Variants in SLC23A2 observed in about 807,000 individuals in gnomAD.
The protein encoded by SLC23A2 is Na(+)/L-ascorbic acid transporter 2.
SLC23A2 carries 36 observed loss-of-function variants against 73.3 expected under a neutral mutation model. The ratio of observed to expected loss-of-function variants is 0.49; its 90% CI spans 0.38 to 0.65. The LOEUF (loss-of-function observed/expected upper bound fraction) is 0.65, where lower values mean the gene tolerates loss of function less well. SLC23A2 is among the 30% of genes least tolerant of loss of function. SLC23A2 has a pLI of 0.00. For missense variants in SLC23A2, 507 were observed against 841.6 expected, an observed-to-expected ratio of 0.60 and a Z score of 4.92; for synonymous variants, 343 against 327.3, an observed-to-expected ratio of 1.05 and a Z score of -0.52.
At position 4,862,515 on chromosome 20, in the gene SLC23A2, T is replaced by C. The variant is rs1930008456; in HGVS notation, c.1486+263A>G. Among the ~76,000 whole-genome samples the C allele has an allele frequency of 6.6e-6, 1 of 152,192 alleles. No individual in the cohort carries two copies. The highest frequency in any genetic ancestry group is 1.5e-5 in the Non-Finnish European group (1 of 68,022). On this transcript the variant is annotated intron_variant, in intron 14 of 16. Coordinates refer to ENST00000338244, the MANE Select transcript of SLC23A2 (RefSeq NM_005116.6). The surrounding 1 kb of genome is among the most constrained non-coding windows in gnomAD (Gnocchi z 5.1). Reference sequence around the variant, plus strand: ...GTAGCCCATTCAGAGGGATGGTATTTGAGTTAAATTGGTCAGAAATACTAA... The same window carrying C: ...GTAGCCCATTCAGAGGGATGGTATTCGAGTTAAATTGGTCAGAAATACTAA...
rs759199009 is a variant in SLC23A2, at chr20:4,902,608, T to C, written c.208-50A>G. ...GGTGCTCATTAAACGTGAAGACCAG[T>C]GTTAGCTCGGCCATGTACAGGCCAC... is the stretch of plus-strand genomic sequence containing the variant. On this transcript the variant is annotated intron_variant, in intron 4 of 16. Coordinates refer to ENST00000338244, the MANE Select transcript of SLC23A2 (RefSeq NM_005116.6). The surrounding 1 kb of genome is among the most constrained non-coding windows in gnomAD (Gnocchi z 4.0). 9.3e-7 allele frequency: 1 copy of C among 1,077,218 alleles called. No individual in the cohort carries two copies. Among genetic ancestry groups the C allele is most frequent in the South Asian group, 1.4e-5 (1 of 73,012 alleles). 66.7% of individuals were successfully genotyped at this position (1,077,218 alleles called of 1,614,324 possible). A position where few individuals can be genotyped will look rare whatever the true frequency, so the allele number is the denominator to read the frequency against.
At chr20:4,895,954 CACT>C (rs551943554) in intron 6 of SLC23A2, among the ~76,000 whole-genome samples, 25 of 152,306 alleles carry the variant, frequency 1.6e-4, no homozygotes, top group African/African-American at 5.5e-4. Flanking sequence ...GCTCTTCCCT[CACT>C]AACCCCACAG....
intron 4 of SLC23A2, among the ~76,000 whole-genome samples, chr20:4,905,047 G>A (rs954026891): frequency 6.9e-6 from 1 of 145,182 alleles, no homozygotes; most frequent in African/African-American, 2.6e-5. Flanking sequence ...CTAGGAGACA[G>A]AGGTTGCAGT....
intron 9 of SLC23A2, among the ~76,000 whole-genome samples, chr20:4,881,010 G>C (rs527929249): frequency 2.4e-4 from 37 of 152,330 alleles, no homozygotes; most frequent in African/African-American, 8.2e-4. Context: ...CTGCAAAAGA[G>C]AACGGGTTCA....
chr20:4,923,630 A>C (rs1386034895), intron 3 of SLC23A2, among the ~76,000 whole-genome samples: 3 of 152,234 alleles, frequency 2.0e-5, no homozygotes, highest in African/African-American at 7.2e-5. Context: ...TTATTCTTAC[A>C]GAAAGAACAT....
intron 1 of SLC23A2, among the ~76,000 whole-genome samples, chr20:5,006,839 C>A (rs1335735242): frequency 2.0e-5 from 3 of 152,084 alleles, no homozygotes; most frequent in Admixed American, 6.6e-5. Flanking sequence ...CCACTCCTGG[C>A]CTGCACCATC....
intron 6 of SLC23A2, among the ~76,000 whole-genome samples, chr20:4,888,844 T>G (rs1050367276): frequency 2.6e-4 from 39 of 152,226 alleles, no homozygotes; most frequent in Admixed American, 1.3e-4. Flanking sequence ...AGGAAGCTGC[T>G]TCAGGATTCT....
chr20:4,866,276 C>T (rs1930196290), intron 13 of SLC23A2, among the ~76,000 whole-genome samples: 1 of 152,134 alleles, frequency 6.6e-6, no homozygotes, highest in Non-Finnish European at 1.5e-5. Flanking sequence ...CAGAACAGTA[C>T]AGAAACAAAC....
At chr20:5,007,744 T>C (rs2088206532) in intron 1 of SLC23A2, among the ~76,000 whole-genome samples, 1 of 152,128 alleles carries the variant, frequency 6.6e-6, no homozygotes, top group African/African-American at 2.4e-5. Flanking sequence ...GATTTGACTA[T>C]TCTGAACATT....
chr20:4,867,882 T>G lies in SLC23A2; in HGVS notation c.1251-7A>C. 8 of 1,477,958 alleles carry G rather than the reference T, an allele frequency of 5.4e-6. No homozygotes were observed. The highest frequency in any genetic ancestry group is 7.6e-6 in the Non-Finnish European group (8 of 1,056,842). The allele number at this position is 1,477,958 out of a possible 1,614,324, so 91.6% of individuals were successfully genotyped here. A position where few individuals can be genotyped will look rare whatever the true frequency, so the allele number is the denominator to read the frequency against. On this transcript the variant is annotated splice_polypyrimidine_tract_variant and splice_region_variant and intron_variant, in intron 12 of 16. Transcript: ENST00000338244. Reference sequence around the variant, plus strand: ...GCCTTCCACGAAAATTCCCCTAAGATGTAAAGGAATGGAGGAAAGAAAATC... The same window carrying G: ...GCCTTCCACGAAAATTCCCCTAAGAGGTAAAGGAATGGAGGAAAGAAAATC...
At chr20:4,892,583 T>C (rs1931372152) in intron 6 of SLC23A2, among the ~76,000 whole-genome samples, 1 of 152,214 alleles carries the variant, frequency 6.6e-6, no homozygotes, top group South Asian at 2.1e-4. Flanking sequence ...TAATCTGCCA[T>C]TATGTGCCTG....
Position 4,912,914 on chromosome 20 carries a change from G to A in SLC23A2, c.173C>T (p.Ala58Val), listed in dbSNP as rs1239768882. The A allele has an allele frequency of 4.8e-6, 7 of 1,448,750 alleles. No homozygotes were observed. Among genetic ancestry groups the A allele is most frequent in the South Asian group, 1.3e-5 (1 of 74,728 alleles). The allele number at this position is 1,448,750 out of a possible 1,614,324, so 89.7% of individuals were successfully genotyped here. The change falls in exon 4 of 17, where the codon GCG (alanine) becomes GTG (valine). Residue 58 changes from alanine (A) to valine (V), a missense_variant. Transcript: ENST00000338244. The part of the protein sequence containing the change: ...EQDNEDTELM[A>V]IYTTENGIAE... ...AATGCCGTTTTCCGTAGTGTAGATC[G>A]CCATGAGCTCAGTGTCCTCATTGTC...
intron 1 of SLC23A2, among the ~76,000 whole-genome samples, chr20:4,996,540 G>A (rs1052230004): frequency 2.0e-5 from 3 of 151,956 alleles, no homozygotes; most frequent in Non-Finnish European, 4.4e-5. Flanking sequence ...ACAAAAATTA[G>A]CCGGGTACAG....
chr20:4,944,134 A>G (rs2087082774), intron 2 of SLC23A2, among the ~76,000 whole-genome samples: 1 of 152,364 alleles, frequency 6.6e-6, no homozygotes, highest in South Asian at 2.1e-4. Context: ...TTGACTTTAG[A>G]AGACTAAAAG....
intron 3 of SLC23A2, among the ~76,000 whole-genome samples, chr20:4,913,595 TG>T (rs1932230523): frequency 6.6e-6 from 1 of 152,114 alleles, no homozygotes; most frequent in Admixed American, 6.6e-5. Flanking sequence ...AACTAGTTTT[TG>T]TTTTTTTAGG....
intron 1 of SLC23A2, among the ~76,000 whole-genome samples, chr20:4,989,100 A>G (rs931642386): frequency 6.6e-6 from 1 of 151,458 alleles, no homozygotes; most frequent in South Asian, 2.1e-4. Context: ...TTAGCCGGGC[A>G]TGGTGGTGGG....
At chr20:4,934,173 A>C (rs1199730660) in intron 2 of SLC23A2, among the ~76,000 whole-genome samples, 1 of 152,196 alleles carries the variant, frequency 6.6e-6, no homozygotes, top group African/African-American at 2.4e-5. Flanking sequence ...TTGCATTTTC[A>C]TTCACGTACT....
At position 4,961,546 on chromosome 20, in the gene SLC23A2, AT is replaced by A. The variant is rs1275306134; in HGVS notation, c.-155+9246del. Reference sequence around the variant, plus strand: ...CTTAAAACATTTGAGATTTTTTGCGATTTTTTTAAAGCTCATCAGCTATCAT... The same window carrying A: ...CTTAAAACATTTGAGATTTTTTGCGATTTTTTAAAGCTCATCAGCTATCAT... On this transcript the variant is annotated intron_variant, in intron 2 of 16. Transcript: ENST00000338244. Among the ~76,000 whole-genome samples, 5 of 152,178 alleles carry A rather than the reference AT, an allele frequency of 3.3e-5. No homozygotes were observed. In the East Asian group the frequency reaches 5.8e-4, roughly 18 times the overall value.
At chr20:4,908,694 C>T (rs1334085782) in intron 4 of SLC23A2, among the ~76,000 whole-genome samples, 2 of 151,966 alleles carry the variant, frequency 1.3e-5, no homozygotes, top group Non-Finnish European at 2.9e-5. Context: ...TTTGGGAGGC[C>T]GAAGCAGGTA....
Sources: gnomAD v4.1 joint callset for allele counts (sites outside exome capture counted in the v4.1 genomes callset) on GRCh38, gnomAD v4.1.1 for gene constraint, Gnocchi (gnomAD v3.1) non-coding constraint, MANE v1.5 for transcripts, NCBI Gene and HGNC (gene_info 2026-07-23, HGNC 2026-07-21) for gene names.